Variants in NRXN1 observed in about 807,000 individuals in gnomAD.
The protein encoded by NRXN1 is neurexin 1.
A neutral mutation model predicts 150.9 loss-of-function variants in NRXN1; 39 were observed. That is an observed-to-expected ratio of 0.26 (90% CI 0.20 to 0.34). NRXN1 has a LOEUF of 0.34. NRXN1 is among the 10% of genes least tolerant of loss of function. The probability of loss-of-function intolerance (pLI) is 1.00; values close to 1 mark genes in which losing one functional copy is unlikely to be tolerated. For missense variants in NRXN1, 1,815 were observed against 1,949.9 expected (o/e 0.93, Z 1.30); for synonymous variants, 924 against 757.0 (o/e 1.22, Z -3.62).
At chr2:50,237,893 C>T (rs1489746414) in intron 17 of NRXN1, among the ~76,000 whole-genome samples, 1 of 151,854 alleles carries the variant, frequency 6.6e-6, no homozygotes, top group African/African-American at 2.4e-5. Flanking sequence ...AGTGGCTTTG[C>T]CCATGCTGTT....
rs185219459 is a variant in NRXN1, at chr2:50,707,505, T to G, written c.833-83890A>C. Among the ~76,000 whole-genome samples, 18 of 152,308 alleles carry G rather than the reference T, an allele frequency of 1.2e-4. No individual in the cohort carries two copies. The East Asian group carries it at 3.3e-3, about 28-fold the overall frequency. ...TTCTGGCAGACGTTATCTTGTACTTTCAGCTTTTTTGTGATAAACATATTG... is the reference window on the plus strand; with the variant it reads ...TTCTGGCAGACGTTATCTTGTACTTGCAGCTTTTTTGTGATAAACATATTG... On this transcript the variant is annotated intron_variant, in intron 5 of 22. Coordinates refer to ENST00000401669, the MANE Select transcript of NRXN1 (RefSeq NM_001330078.2).
At chr2:50,936,551 T>A (rs921972689) in intron 2 of NRXN1, among the ~76,000 whole-genome samples, 1 of 152,160 alleles carries the variant, frequency 6.6e-6, no homozygotes. Context: ...TGGCAGTACC[T>A]AGTAGCTTAG....
In NRXN1 at chr2:49,922,094, C is replaced by G. The variant is rs201180624; in HGVS notation, c.4374G>C (p.Arg1458=). 1.2e-5 allele frequency: 20 copies of G among 1,613,966 alleles called. No individual in the cohort carries two copies. ...CGTCCACATGGTATGAGCCTTCATC[C>G]CGGTTTCTGTACTTGTACATGGCAT... is the stretch of plus-strand genomic sequence containing the variant. ...LLYAMYKYRN[R]DEGSYHVDES... is the part of the protein sequence containing the mutation. The change falls in exon 23 of 23, where the codon CGG becomes CGC. Residue 1458 remains arginine, a synonymous_variant. Transcript: ENST00000401669.
At chr2:50,924,061 T>G (rs1053465704) in intron 3 of NRXN1, among the ~76,000 whole-genome samples, 8 of 151,832 alleles carry the variant, frequency 5.3e-5, no homozygotes, top group African/African-American at 1.9e-4. Context: ...AGTGGCTTAT[T>G]TGTCCAGGTT....
chr2:50,605,811 T>G (rs1040307176), intron 8 of NRXN1, among the ~76,000 whole-genome samples: 1 of 151,124 alleles, frequency 6.6e-6, no homozygotes, highest in African/African-American at 2.4e-5. Flanking sequence ...AAAAAAAAAA[T>G]GAAGTCAGAA....
At chr2:50,831,750 C>T (rs149340849) in intron 5 of NRXN1, among the ~76,000 whole-genome samples, 8 of 152,238 alleles carry the variant, frequency 5.3e-5, no homozygotes, top group Non-Finnish European at 1.0e-4. Flanking sequence ...GAGCATTCTC[C>T]GGAATATGAA....
At chr2:50,516,020 A>G (rs1219491129) in intron 12 of NRXN1, among the ~76,000 whole-genome samples, 1 of 152,182 alleles carries the variant, frequency 6.6e-6, no homozygotes, top group Non-Finnish European at 1.5e-5. Flanking sequence ...TCCTCATTAC[A>G]GGTTTCTATT....
chr2:50,257,849 T>C (rs2067859534), intron 17 of NRXN1, among the ~76,000 whole-genome samples: 1 of 151,608 alleles, frequency 6.6e-6, no homozygotes, highest in African/African-American at 2.4e-5. Context: ...AATTAAAATA[T>C]AAAACAAAAA....
At chr2:50,274,422 C>T (rs1012070505) in intron 17 of NRXN1, among the ~76,000 whole-genome samples, 2 of 152,072 alleles carry the variant, frequency 1.3e-5, no homozygotes, top group African/African-American at 2.4e-5. Context: ...GGAGGGATAG[C>T]ATTAGGAGAA....
At chr2:50,773,957 CAG>C (rs1703306473) in intron 5 of NRXN1, among the ~76,000 whole-genome samples, 1 of 152,040 alleles carries the variant, frequency 6.6e-6, no homozygotes, top group Admixed American at 6.6e-5. Context: ...TGGTCACTGT[CAG>C]TATCTAGGCT....
intron 18 of NRXN1, among the ~76,000 whole-genome samples, chr2:50,230,649 A>T (rs1267344064): frequency 2.0e-5 from 3 of 152,100 alleles, no homozygotes; most frequent in African/African-American, 7.2e-5. Context: ...CATTTCTTAA[A>T]TTTCACAGCA....
chr2:50,112,255 A>G (rs892429710), intron 18 of NRXN1, among the ~76,000 whole-genome samples: 1 of 152,122 alleles, frequency 6.6e-6, no homozygotes, highest in Admixed American at 6.5e-5. Context: ...TGCTGTGCAA[A>G]ACACTTTATC....
At chr2:50,575,483 A>T (rs1671304477) in intron 8 of NRXN1, among the ~76,000 whole-genome samples, 1 of 152,158 alleles carries the variant, frequency 6.6e-6, no homozygotes, top group South Asian at 2.1e-4. Flanking sequence ...CTCTGTTCCA[A>T]TCCCGCATAC....
At chr2:50,382,036 C>A (rs2081008481) in intron 17 of NRXN1, among the ~76,000 whole-genome samples, 1 of 152,098 alleles carries the variant, frequency 6.6e-6, no homozygotes, top group Non-Finnish European at 1.5e-5. Context: ...AGGGATTCTG[C>A]AAGGCCCAGA....
At chr2:50,675,317 C>A (rs186783904) in intron 5 of NRXN1, among the ~76,000 whole-genome samples, 1 of 152,074 alleles carries the variant, frequency 6.6e-6, no homozygotes. Context: ...AATTAATTGG[C>A]GATACTGCTT....
rs1454515962 is a variant in NRXN1, at chr2:50,197,831, T to C, written c.3546+38958A>G. 2.6e-5 allele frequency among the ~76,000 whole-genome samples: 4 copies of C among 152,146 alleles called. No homozygotes were observed. In the South Asian group the frequency reaches 6.2e-4, roughly 24 times the overall value. Reference sequence around the variant, plus strand: ...GACACCTACCAAAACCCTCATTAACTAGTGGACTACAACATAAGAGAATGA... The same window carrying C: ...GACACCTACCAAAACCCTCATTAACCAGTGGACTACAACATAAGAGAATGA... On this transcript the variant is annotated intron_variant, in intron 18 of 22. Coordinates refer to ENST00000401669, the MANE Select transcript of NRXN1 (RefSeq NM_001330078.2).
rs370550907 is a variant in NRXN1 at position 49,931,957 on chromosome 2, C to G, written c.4217-9706G>C. Among the ~76,000 whole-genome samples, 10 of 152,214 alleles carry G rather than the reference C, an allele frequency of 6.6e-5. No individual in the cohort carries two copies. In the East Asian group the frequency reaches 9.7e-4, roughly 15 times the overall value. ...TCTTTACAAAATAATGAGATTTATTCCACAGAATTCTTAAGGCCTGAAACT... is the reference window on the plus strand; with the variant it reads ...TCTTTACAAAATAATGAGATTTATTGCACAGAATTCTTAAGGCCTGAAACT... On this transcript the variant is annotated intron_variant, in intron 22 of 22. Transcript: ENST00000401669.
At chr2:49,936,228 G>A (rs1372747551) in intron 22 of NRXN1, among the ~76,000 whole-genome samples, 1 of 152,120 alleles carries the variant, frequency 6.6e-6, no homozygotes, top group African/African-American at 2.4e-5. Flanking sequence ...ATTATAAGTG[G>A]CCAATCATAT....
intron 5 of NRXN1, among the ~76,000 whole-genome samples, chr2:50,842,002 T>C (rs1484441718): frequency 5.9e-5 from 9 of 152,342 alleles, no homozygotes; most frequent in African/African-American, 2.2e-4. Context: ...GTCTTTCATT[T>C]TGACTACATA....
Sources: gnomAD v4.1 joint callset for allele counts (sites outside exome capture counted in the v4.1 genomes callset) on GRCh38, gnomAD v4.1.1 for gene constraint, MANE v1.5 for transcripts, NCBI Gene and HGNC (gene_info 2026-07-23, HGNC 2026-07-21) for gene names.